Variants in EML4 observed in about 807,000 individuals in gnomAD.
The protein encoded by EML4 is echinoderm microtubule-associated protein-like 4.
In EML4, 72 loss-of-function variants were observed where a neutral mutation model predicts 129.0. The observed-to-expected ratio is 0.56, with a 90% CI of 0.46 to 0.68. The LOEUF (loss-of-function observed/expected upper bound fraction) is 0.68, where lower values mean the gene tolerates loss of function less well. Among genes scored for constraint, EML4 ranks in the 30% least tolerant of loss-of-function variants. The pLI is 0.00. For synonymous variants in EML4, 532 were observed against 405.0 expected, an observed-to-expected ratio of 1.31 and a Z score of -3.77; for missense variants, 1,363 against 1,190.6, an observed-to-expected ratio of 1.14 and a Z score of -2.13.
At chr2:42,303,077 A>G (rs1356998767) in intron 14 of EML4, 27 bp from the exon 15 acceptor site, 1 of 1,611,448 alleles carries the variant, frequency 6.2e-7, no homozygotes, top group Non-Finnish European at 8.5e-7. Flanking sequence ...TAGTATGTAT[A>G]TGGTGACTTT....
chr2:42,226,337 G>A (rs183110899), intron 1 of EML4, among the ~76,000 whole-genome samples: 5 of 152,180 alleles, frequency 3.3e-5, no homozygotes, highest in African/African-American at 9.6e-5. Flanking sequence ...GAGATCTATT[G>A]TAAATCATAG....
chr2:42,326,173 C>T lies in EML4; in HGVS notation c.2262C>T (p.Cys754=). The change falls in exon 21 of 23, where the codon TGC becomes TGT. Residue 754 remains cysteine (C), a synonymous_variant. Transcript: ENST00000318522. ...TTAAAGGGGACATTCCAAATGGCTG[C>T]AAACTAATCAGGAATCGATCGGATT... ...EILYWDIPNG[C]KLIRNRSDCK... The T allele has an allele frequency of 6.2e-7, 1 of 1,613,582 alleles. No homozygotes were observed. The highest frequency in any genetic ancestry group is 1.1e-5 in the South Asian group (1 of 91,032).
chr2:42,297,791 A>AT (rs942540330), intron 13 of EML4, among the ~76,000 whole-genome samples: 5 of 152,180 alleles, frequency 3.3e-5, no homozygotes, highest in African/African-American at 1.2e-4. Flanking sequence ...ATAAAAGGAG[A>AT]TTTTTTGGAT....
intron 1 of EML4, among the ~76,000 whole-genome samples, chr2:42,199,989 C>T (rs986843306): frequency 6.6e-5 from 10 of 151,612 alleles, no homozygotes; most frequent in African/African-American, 9.7e-5. Flanking sequence ...GAACAGTGGC[C>T]GGGTAAATAA....
At chr2:42,253,573 A>G (rs928161669) in intron 2 of EML4, among the ~76,000 whole-genome samples, 3 of 152,166 alleles carry the variant, frequency 2.0e-5, no homozygotes, top group African/African-American at 7.2e-5. Flanking sequence ...GAGACTCGAG[A>G]TAAACTCAAC....
At chr2:42,281,664 A>T (rs1016085887) in intron 7 of EML4, among the ~76,000 whole-genome samples, 1 of 152,248 alleles carries the variant, frequency 6.6e-6, no homozygotes, top group Non-Finnish European at 1.5e-5. Context: ...GGAATTAAAT[A>T]AGAAAACATC....
intron 5 of EML4, 72 bp downstream of exon 5, chr2:42,263,378 T>TA (rs1665852466): frequency 9.1e-7 from 1 of 1,102,540 alleles, no homozygotes; most frequent in Non-Finnish European, 1.3e-6. Flanking sequence ...CATGTACAGT[T>TA]ATGTATGTCT....
At chr2:42,296,279 C>T (rs981889722) in intron 13 of EML4, among the ~76,000 whole-genome samples, 1 of 152,010 alleles carries the variant, frequency 6.6e-6, no homozygotes, top group African/African-American at 2.4e-5. Context: ...TTCTTAGCAG[C>T]AACAGGTGGT....
At chr2:42,300,114 T>C (rs1242743914) in intron 13 of EML4, among the ~76,000 whole-genome samples, 1 of 152,200 alleles carries the variant, frequency 6.6e-6, no homozygotes, top group Non-Finnish European at 1.5e-5. Context: ...TATTCATCAG[T>C]TGAGGAACAG....
Position 42,244,101 on chromosome 2 carries a change from G to GTTTTTTTTT in EML4, c.26-1396_26-1388dup, listed in dbSNP as rs147426155. 3.8e-4 allele frequency among the ~76,000 whole-genome samples: 31 copies of GTTTTTTTTT among 81,366 alleles called. 1 individual carries two copies. The highest frequency in any genetic ancestry group is 8.0e-4 in the African/African-American group (23 of 28,812). 53.4% of individuals were successfully genotyped at this position (81,366 alleles called of 152,430 possible). A position where few individuals can be genotyped will look rare whatever the true frequency, so the allele number is the denominator to read the frequency against. On this transcript the variant is annotated intron_variant, in intron 1 of 22. Coordinates refer to ENST00000318522, the MANE Select transcript of EML4 (RefSeq NM_019063.5). ...TTTTTGTTTTTTGTTTTTGTTTTTT[G>GTTTTTTTTT]TTTTTTTTTTTTTTTTGAGACGGGG...
intron 2 of EML4, 64 bp downstream of exon 2, chr2:42,245,751 C>G (rs964314823): frequency 1.4e-6 from 2 of 1,441,230 alleles, no homozygotes; most frequent in African/African-American, 1.5e-5. Flanking sequence ...AAAGTTGAAG[C>G]TGGAAATATA....
At chr2:42,270,300 C>T (rs1190023981) in intron 6 of EML4, among the ~76,000 whole-genome samples, 1 of 152,104 alleles carries the variant, frequency 6.6e-6, no homozygotes, top group Non-Finnish European at 1.5e-5. Flanking sequence ...GGCTCATGCC[C>T]ATAATCCCAG....
chr2:42,231,890 A>G (rs1572591902), intron 1 of EML4, among the ~76,000 whole-genome samples: 1 of 152,164 alleles, frequency 6.6e-6, no homozygotes, highest in Admixed American at 6.5e-5. Flanking sequence ...CAGAGCTTGC[A>G]GTGAGCCAAG....
chr2:42,295,508 G>A lies in EML4; in HGVS notation c.1481G>A (p.Gly494Glu). The change falls in exon 13 of 23, where the codon GGA (glycine) becomes GAA (glutamate). Residue 494 changes from glycine (G) to glutamate (E), a missense_variant. Transcript: ENST00000318522. ...KTTVEPTPGK[G>E]PKGVYQISKQ... ...ACTGTAGAGCCCACACCTGGGAAAG[G>A]ACCTAAAGGTACAGTATTCTTATAT... 1 of 1,611,680 alleles carries A rather than the reference G, an allele frequency of 6.2e-7. No homozygotes were observed. Among genetic ancestry groups the A allele is most frequent in the Non-Finnish European group, 8.5e-7 (1 of 1,179,334 alleles).
intron 1 of EML4, among the ~76,000 whole-genome samples, chr2:42,208,592 C>T (rs1417432915): frequency 1.3e-5 from 2 of 151,672 alleles, no homozygotes; most frequent in African/African-American, 4.8e-5. Context: ...TGCCACCGCA[C>T]CCGGCTAATT....
chr2:42,314,274 G>A (rs1360651752), intron 17 of EML4, among the ~76,000 whole-genome samples: 1 of 151,948 alleles, frequency 6.6e-6, no homozygotes, highest in Non-Finnish European at 1.5e-5. Context: ...CATGAGAATC[G>A]CTTGAACCCA....
At chr2:42,188,372 C>T (rs1001172695) in intron 1 of EML4, among the ~76,000 whole-genome samples, 5 of 152,046 alleles carry the variant, frequency 3.3e-5, no homozygotes, top group Non-Finnish European at 7.4e-5. Flanking sequence ...AGGTGCACAC[C>T]ACCATGCCTG....
At chr2:42,170,865 T>C (rs1670231520) in intron 1 of EML4, among the ~76,000 whole-genome samples, 2 of 152,352 alleles carry the variant, frequency 1.3e-5, no homozygotes, top group Middle Eastern at 6.8e-3. Context: ...CCAGATAATA[T>C]CGAGATGAGA....
At chr2:42,310,902 A>G (rs1185251784) in intron 17 of EML4, among the ~76,000 whole-genome samples, 1 of 152,232 alleles carries the variant, frequency 6.6e-6, no homozygotes, top group Non-Finnish European at 1.5e-5. Context: ...AGTCCTTACA[A>G]TGAAAAGGGG....
Sources: gnomAD v4.1 joint callset for allele counts (sites outside exome capture counted in the v4.1 genomes callset) on GRCh38, gnomAD v4.1.1 for gene constraint, MANE v1.5 for transcripts, NCBI Gene and HGNC (gene_info 2026-07-23, HGNC 2026-07-21) for gene names.